Variants in LMBR1 observed in about 807,000 individuals in gnomAD.
The protein encoded by LMBR1 is limb region 1 protein homolog.
A neutral mutation model predicts 73.9 loss-of-function variants in LMBR1; 52 were observed. That is an observed-to-expected ratio of 0.70 (90% confidence interval 0.56 to 0.89). The LOEUF is 0.89. Ranked by LOEUF, LMBR1 falls within the 40% of genes least tolerant of loss-of-function variation. The probability of loss-of-function intolerance (pLI) is 0.00; values close to 1 mark genes in which losing one functional copy is unlikely to be tolerated. For synonymous variants in LMBR1, 215 were observed against 209.4 expected, an observed-to-expected ratio of 1.03 and a Z score of -0.23; for missense variants, 539 against 579.8, an observed-to-expected ratio of 0.93 and a Z score of 0.72.
At chr7:156,771,312 T>C (rs577356267) in intron 5 of LMBR1, among the ~76,000 whole-genome samples, 2 of 151,452 alleles carry the variant, frequency 1.3e-5, no homozygotes, top group Admixed American at 6.6e-5. Flanking sequence ...AAAGAAAAAA[T>C]AAGGTAGATA....
At position 156,681,007 on chromosome 7, in the gene LMBR1, C is replaced by G. The variant is rs1453394911; in HGVS notation, c.*3071G>C. On this transcript the variant is annotated 3_prime_UTR_variant, in exon 17 of 17. Transcript: ENST00000353442. Reference sequence around the variant, plus strand: ...AAACAAAAATCAATTACTAGTGTGTCCAAATGTTATTTTTAAAAGTTAACA... The same window carrying G: ...AAACAAAAATCAATTACTAGTGTGTGCAAATGTTATTTTTAAAAGTTAACA... 1 of 361,230 alleles carries G rather than the reference C, an allele frequency of 2.8e-6. No homozygotes were observed. The highest frequency in any genetic ancestry group is 5.2e-6 in the Non-Finnish European group (1 of 192,574). The allele number at this position is 361,230 out of a possible 1,614,324, so 22.4% of individuals were successfully genotyped here.
downstream of LMBR1, chr7:156,677,069 G>T (rs1347129549): frequency 6.2e-6 from 1 of 160,060 alleles, no homozygotes; most frequent in Admixed American, 5.9e-5. Context: ...TGTAATAATT[G>T]CTGTATTTCT....
At chr7:156,810,795 T>C (rs1160848162) in intron 4 of LMBR1, among the ~76,000 whole-genome samples, 9 of 151,836 alleles carry the variant, frequency 5.9e-5, no homozygotes, top group Admixed American at 5.9e-4. Context: ...CACTTTCACA[T>C]AGTTTTTTGA....
At chr7:156,741,481 C>G (rs2132594798) in intron 9 of LMBR1, among the ~76,000 whole-genome samples, 1 of 152,076 alleles carries the variant, frequency 6.6e-6, no homozygotes, top group South Asian at 2.1e-4. Flanking sequence ...CTAATGCAAA[C>G]AAGAAAAGTA....
At chr7:156,727,720 T>G (rs1816044695) in intron 12 of LMBR1, among the ~76,000 whole-genome samples, 1 of 152,052 alleles carries the variant, frequency 6.6e-6, no homozygotes, top group South Asian at 2.1e-4. Context: ...ATTCCAACAC[T>G]TGAAAAAAGG....
At position 156,762,268 on chromosome 7, in the gene LMBR1, G is replaced by A; in HGVS notation, c.620-70C>T. 3.3e-6 allele frequency: 3 copies of A among 917,078 alleles called. No homozygotes were observed. In the South Asian group the frequency reaches 4.3e-5, roughly 13 times the overall value. The allele number at this position is 917,078 out of a possible 1,614,324, so 56.8% of individuals were successfully genotyped here. ...GCTTGGAGAAAGAGATAAACAACTA[G>A]ACTGTAAAAATAAGGGAAATTCAAG... On this transcript the variant is annotated intron_variant, in intron 7 of 16. Transcript: ENST00000353442.
chr7:156,756,265 T>G, intron 9 of LMBR1, 128 bp downstream of exon 9: 1 of 583,944 alleles, frequency 1.7e-6, no homozygotes, highest in Non-Finnish European at 3.0e-6. Flanking sequence ...CTTTTATTAC[T>G]CTAAAGTGTT....
At chr7:156,816,185 AT>A (rs962187028) in intron 4 of LMBR1, among the ~76,000 whole-genome samples, 17 of 151,502 alleles carry the variant, frequency 1.1e-4, no homozygotes, top group African/African-American at 2.7e-4. Context: ...TGAAAAAAAT[AT>A]TTTTTTTTCT....
chr7:156,724,137 A>G lies in LMBR1; in HGVS notation c.1200T>C (p.Ala400=). 6.2e-7 allele frequency: 1 copy of G among 1,611,398 alleles called. No individual in the cohort carries two copies. ...NCVSILVLSS[A]LPVMSRTLGI... The stretch of plus-strand genomic sequence containing the variant: ...CCAGTGTTCTCGACATCACAGGCAG[A>G]GCAGAGCTCAAAACCAAGATGGACA... The change falls in exon 15 of 17, where the codon GCT becomes GCC. Residue 400 remains alanine, a synonymous_variant. Transcript: ENST00000353442.
intron 1 of LMBR1, 21 bp from the exon 2 acceptor site, chr7:156,836,906 C>T (rs370541587): frequency 1.4e-6 from 2 of 1,481,172 alleles, no homozygotes; most frequent in Admixed American, 4.1e-5. Flanking sequence ...ACGAAGTTAA[C>T]AGATCATTTA....
At chr7:156,732,889 A>G (rs552687146) in intron 10 of LMBR1, among the ~76,000 whole-genome samples, 1 of 152,328 alleles carries the variant, frequency 6.6e-6, no homozygotes, top group Admixed American at 6.5e-5. Flanking sequence ...CATGCCTGTA[A>G]TCCCAGTACT....
chr7:156,802,727 T>C (rs1233430332), intron 4 of LMBR1, among the ~76,000 whole-genome samples: 1 of 151,996 alleles, frequency 6.6e-6, no homozygotes, highest in African/African-American at 2.4e-5. Flanking sequence ...AACACATCCA[T>C]CACCCCCAAA....
intron 1 of LMBR1, among the ~76,000 whole-genome samples, chr7:156,882,179 T>G (rs139301472): frequency 9.2e-5 from 14 of 152,338 alleles, no homozygotes; most frequent in Admixed American, 3.9e-4. Context: ...TGATGGCTCA[T>G]GCCTATAATC....
chr7:156,705,316 G>C lies in LMBR1; in HGVS notation c.1226-17125C>G, dbSNP rs570400190. On this transcript the variant is annotated intron_variant, in intron 15 of 16. Coordinates refer to ENST00000353442, the MANE Select transcript of LMBR1 (RefSeq NM_022458.4). ...CTTACACCTGTAATCCCAGCACTTT[G>C]GGACGTCAAGGTGGGTGGATGGGTT... Among the ~76,000 whole-genome samples the C allele has an allele frequency of 5.9e-4, 90 of 152,300 alleles. 1 individual carries two copies. Among genetic ancestry groups the C allele is most frequent in the African/African-American group, 2.1e-3 (88 of 41,562 alleles).
downstream of LMBR1, among the ~76,000 whole-genome samples, chr7:156,672,903 G>A (rs1416958825): frequency 6.6e-6 from 1 of 152,194 alleles, no homozygotes; most frequent in Non-Finnish European, 1.5e-5. Flanking sequence ...TTCTATGACC[G>A]TGGTTCTTAA....
At chr7:156,782,294 G>A (rs1421488501) in intron 5 of LMBR1, among the ~76,000 whole-genome samples, 1 of 152,200 alleles carries the variant, frequency 6.6e-6, no homozygotes, top group Non-Finnish European at 1.5e-5. Flanking sequence ...ACATGTATGT[G>A]TTGGAGTTCC....
intron 1 of LMBR1, among the ~76,000 whole-genome samples, chr7:156,887,463 CAAAAAAA>C (rs60786872): frequency 4.9e-4 from 26 of 52,676 alleles, no homozygotes; most frequent in African/African-American, 1.4e-3. Flanking sequence ...GACTCCATCT[CAAAAAAA>C]AAAAAAAAAA....
intron 15 of LMBR1, among the ~76,000 whole-genome samples, chr7:156,711,962 C>A (rs1037265414): frequency 2.0e-5 from 3 of 152,090 alleles, no homozygotes; most frequent in Non-Finnish European, 4.4e-5. Flanking sequence ...TGACTTAAGA[C>A]CTCGAAAGCA....
At chr7:156,712,290 A>G (rs1812234256) in intron 15 of LMBR1, among the ~76,000 whole-genome samples, 1 of 152,248 alleles carries the variant, frequency 6.6e-6, no homozygotes, top group African/African-American at 2.4e-5. Context: ...AGAGAAATGC[A>G]AATTAAGAAC....
Sources: gnomAD v4.1 joint callset for allele counts (sites outside exome capture counted in the v4.1 genomes callset) on GRCh38, gnomAD v4.1.1 for gene constraint, MANE v1.5 for transcripts, NCBI Gene and HGNC (gene_info 2026-07-23, HGNC 2026-07-21) for gene names.